TULP4: variants seen among roughly 807,000 people sequenced by gnomAD.
The protein encoded by TULP4 is tubby-related protein 4.
A neutral mutation model predicts 129.0 loss-of-function variants in TULP4; 16 were observed. The observed-to-expected ratio is 0.12, with a 90% CI of 0.08 to 0.19. TULP4 has a LOEUF of 0.19. Among genes scored for constraint, TULP4 ranks in the 10% least tolerant of loss-of-function variants. The probability of loss-of-function intolerance (pLI) is 1.00; values close to 1 mark genes in which losing one functional copy is unlikely to be tolerated. For missense variants in TULP4, 1,842 were observed against 2,059.1 expected (o/e 0.89, Z 2.04); for synonymous variants, 998 against 854.0 (o/e 1.17, Z -2.94).
chr6:158,302,667 AC>A (rs1172338369), intron 1 of TULP4, among the ~76,000 whole-genome samples: 1 of 152,140 alleles, frequency 6.6e-6, no homozygotes. Context: ...GAAAAGGATG[AC>A]CTAAACCAGC....
At chr6:158,498,193 A>G (rs1780371622) in intron 11 of TULP4, among the ~76,000 whole-genome samples, 1 of 152,198 alleles carries the variant, frequency 6.6e-6, no homozygotes, top group African/African-American at 2.4e-5. Flanking sequence ...TTTTATTCCT[A>G]CATGAAACCA....
chr6:158,345,203 A>G (rs77244473), intron 1 of TULP4, among the ~76,000 whole-genome samples: 2,924 of 152,330 alleles, frequency 0.019, 48 homozygotes, highest in Middle Eastern at 0.037. Context: ...GGGTGAATGC[A>G]ATGGTGCAAT....
chr6:158,387,180 C>A (rs1777467519), intron 1 of TULP4, among the ~76,000 whole-genome samples: 1 of 152,080 alleles, frequency 6.6e-6, no homozygotes, highest in South Asian at 2.1e-4. Context: ...TTTTATAGAT[C>A]TGTCAATTAA....
chr6:158,462,265 G>T (rs1038140812), intron 6 of TULP4, among the ~76,000 whole-genome samples: 1 of 151,894 alleles, frequency 6.6e-6, no homozygotes, highest in Non-Finnish European at 1.5e-5. Context: ...TCATTCTGCA[G>T]ATTTAAGCCA....
intron 1 of TULP4, among the ~76,000 whole-genome samples, chr6:158,286,026 C>T (rs1778830449): frequency 2.0e-5 from 3 of 152,196 alleles, no homozygotes; most frequent in Admixed American, 6.5e-5. Context: ...AACAGATTTA[C>T]TCATCATGAT....
At chr6:158,392,871 G>A (rs780291014) in intron 1 of TULP4, among the ~76,000 whole-genome samples, 17 of 131,378 alleles carry the variant, frequency 1.3e-4, no homozygotes, top group Admixed American at 2.6e-4. Context: ...CGTGATCTCG[G>A]CTTGCTGCAA....
At chr6:158,411,701 C>G (rs920035962) in intron 1 of TULP4, among the ~76,000 whole-genome samples, 4 of 152,154 alleles carry the variant, frequency 2.6e-5, no homozygotes, top group African/African-American at 7.2e-5. Context: ...TCAGGTGATT[C>G]CTGGGGGTTC....
chr6:158,384,443 C>T (rs1197283797), intron 1 of TULP4, among the ~76,000 whole-genome samples: 1 of 151,718 alleles, frequency 6.6e-6, no homozygotes, highest in Non-Finnish European at 1.5e-5. Context: ...ACCCACCACC[C>T]CACCCGGCTA....
At chr6:158,438,430 G>C (rs1251101632) in intron 3 of TULP4, among the ~76,000 whole-genome samples, 1 of 152,218 alleles carries the variant, frequency 6.6e-6, no homozygotes, top group Non-Finnish European at 1.5e-5. Flanking sequence ...CTCTGGAGGA[G>C]CGCACCTGCA....
intron 5 of TULP4, among the ~76,000 whole-genome samples, chr6:158,460,121 T>C (rs2115178969): frequency 6.6e-6 from 1 of 152,326 alleles, no homozygotes; most frequent in South Asian, 2.1e-4. Context: ...GCTAACTTCA[T>C]GAGAAAGTCC....
chr6:158,359,021 A>C (rs1352705170), intron 1 of TULP4, among the ~76,000 whole-genome samples: 4 of 152,288 alleles, frequency 2.6e-5, no homozygotes, highest in South Asian at 4.1e-4. Flanking sequence ...TGTACATTAC[A>C]TGCATGCTTC....
intron 1 of TULP4, among the ~76,000 whole-genome samples, chr6:158,266,395 T>G (rs779163939): frequency 3.3e-5 from 5 of 152,214 alleles, no homozygotes; most frequent in Non-Finnish European, 5.9e-5. Flanking sequence ...TAGCTGGGAC[T>G]ACAGGCACGT....
rs1241339435 is a variant in TULP4 at position 158,241,882 on chromosome 6, C to T, written n.68+9579C>T. The T allele has an allele frequency of 3.6e-5, 26 of 714,726 alleles. 1 individual carries two copies. Among genetic ancestry groups the T allele is most frequent in the Middle Eastern group, 3.8e-4 (1 of 2,618 alleles). The allele number at this position is 714,726 out of a possible 1,614,324, so 44.3% of individuals were successfully genotyped here. ...TGCTGGGATTACAGGCATGAGCCACCGCGCCAGGCCAGCTTTGTTAAATTC... is the reference window on the plus strand; with the variant it reads ...TGCTGGGATTACAGGCATGAGCCACTGCGCCAGGCCAGCTTTGTTAAATTC... On this transcript the variant is annotated intron_variant and non_coding_transcript_variant, in intron 1 of 1. Coordinates refer to the TULP4 transcript ENST00000620026.
At chr6:158,444,993 T>C (rs1779001241) in intron 3 of TULP4, among the ~76,000 whole-genome samples, 1 of 152,120 alleles carries the variant, frequency 6.6e-6, no homozygotes. Flanking sequence ...TTTTGTTTTT[T>C]TTAGAGGACA....
Position 158,364,034 on chromosome 6 carries a change from T to C in TULP4, c.253-49031T>C, listed in dbSNP as rs75600443. ...AATTTTGTGTTAAATATGGAGGAAA[T>C]AGAACGTATCACTGAGAGCCAGGTA... On this transcript the variant is annotated intron_variant, in intron 1 of 13. Transcript: ENST00000367097. Among the ~76,000 whole-genome samples, 111 of 152,214 alleles carry C rather than the reference T, an allele frequency of 7.3e-4. 3 individuals carry two copies. In the East Asian group the frequency reaches 0.02, roughly 27 times the overall value.
At chr6:158,398,428 A>G (rs1429337177) in intron 1 of TULP4, 2 of 152,124 alleles carry the variant, frequency 1.3e-5, no homozygotes, top group Non-Finnish European at 2.9e-5. Flanking sequence ...ACCCACTGTG[A>G]TCTCTGGAGT....
Position 158,314,129 on chromosome 6 carries a change from G to A in TULP4, c.113G>A (p.Arg38Lys). The change falls in exon 1 of 14, where the codon AGA becomes AAA. Residue 38 changes from arginine (R) to lysine (K), a missense_variant. Transcript: ENST00000367097. ...KSEKEKPVCR[R>K]RYYEEGWLAT... ...GAGAAGGAGAAGCCTGTGTGCAGGA[G>A]ACGCTACTATGAGGAAGGCTGGCTG... 6.2e-7 allele frequency: 1 copy of A among 1,614,230 alleles called. No homozygotes were observed. Among genetic ancestry groups the A allele is most frequent in the Non-Finnish European group, 8.5e-7 (1 of 1,180,040 alleles).
intron 5 of TULP4, among the ~76,000 whole-genome samples, chr6:158,453,204 A>C (rs1027583343): frequency 6.6e-6 from 1 of 152,172 alleles, no homozygotes; most frequent in Admixed American, 6.6e-5. Context: ...GCGGTGGCTC[A>C]TGCCTGTAAT....
chr6:158,446,757 G>T (rs894079168), intron 3 of TULP4, among the ~76,000 whole-genome samples: 1 of 152,172 alleles, frequency 6.6e-6, no homozygotes, highest in Non-Finnish European at 1.5e-5. Context: ...TTTGGTTCCT[G>T]GTGGAGGCTG....
Sources: allele counts gnomAD v4.1 joint callset (sites outside exome capture counted in the v4.1 genomes callset), GRCh38; gene constraint gnomAD v4.1.1; transcripts MANE v1.5; gene names NCBI Gene and HGNC (gene_info 2026-07-23, HGNC 2026-07-21).